The following PALLD variants were observed in gnomAD, a reference collection of about 807,000 sequenced individuals.
PALLD encodes the protein palladin.
PALLD carries 61 observed loss-of-function variants against 123.5 expected under a neutral mutation model. The observed-to-expected ratio is 0.49, with a 90% CI of 0.40 to 0.61. The LOEUF is 0.61. Among genes scored for constraint, PALLD ranks in the 20% least tolerant of loss-of-function variants. The pLI is 0.00. For missense variants in PALLD, 1,273 were observed against 1,377.0 expected (o/e 0.92, Z 1.20); for synonymous variants, 465 against 496.4 (o/e 0.94, Z 0.84).
intron 2 of PALLD, among the ~76,000 whole-genome samples, chr4:168,614,791 C>T (rs1037444014): frequency 1.3e-5 from 2 of 152,146 alleles, no homozygotes; most frequent in African/African-American, 2.4e-5. Context: ...ATAACAAAGA[C>T]TTCTCTTCTT....
intron 2 of PALLD, among the ~76,000 whole-genome samples, chr4:168,571,541 C>T (rs1768982217): frequency 1.3e-5 from 2 of 152,034 alleles, no homozygotes; most frequent in Admixed American, 1.3e-4. Flanking sequence ...AATTGCAATC[C>T]CTGACTTCAT....
chr4:168,692,023 A>C (rs1782680292), intron 8 of PALLD, among the ~76,000 whole-genome samples: 1 of 152,284 alleles, frequency 6.6e-6, no homozygotes. Context: ...TTTTCCCATC[A>C]GCAGGGTCAC....
At chr4:168,859,426 C>T (rs556638793) in intron 10 of PALLD, among the ~76,000 whole-genome samples, 5 of 152,260 alleles carry the variant, frequency 3.3e-5, no homozygotes, top group Admixed American at 6.5e-5. Flanking sequence ...TGGGTAGCAC[C>T]GACGGTGCCC....
intron 10 of PALLD, among the ~76,000 whole-genome samples, chr4:168,826,612 T>C (rs1344598144): frequency 6.6e-6 from 1 of 152,220 alleles, no homozygotes; most frequent in Non-Finnish European, 1.5e-5. Flanking sequence ...TCAGATTATT[T>C]TTTTTACTCT....
At chr4:168,825,805 C>T (rs1743338014) in intron 10 of PALLD, among the ~76,000 whole-genome samples, 1 of 152,186 alleles carries the variant, frequency 6.6e-6, no homozygotes, top group Non-Finnish European at 1.5e-5. Flanking sequence ...TGGAAATCTA[C>T]ATGAAATGCG....
intron 10 of PALLD, among the ~76,000 whole-genome samples, chr4:168,866,369 G>A (rs369936919): frequency 4.6e-5 from 7 of 151,746 alleles, no homozygotes; most frequent in South Asian, 4.1e-4. Context: ...TACCACAAAC[G>A]TGTTCAAAAA....
intron 4 of PALLD, among the ~76,000 whole-genome samples, chr4:168,682,717 A>G (rs1197375807): frequency 1.3e-5 from 2 of 152,180 alleles, no homozygotes; most frequent in African/African-American, 4.8e-5. Context: ...ACAGCGTCTC[A>G]GTTACATCTA....
chr4:168,552,688 G>GTTTTTT (rs901895784), intron 2 of PALLD, among the ~76,000 whole-genome samples: 3 of 151,972 alleles, frequency 2.0e-5, no homozygotes, highest in African/African-American at 7.2e-5. Flanking sequence ...GTTTTGTTTT[G>GTTTTTT]TTTTTGAGAC....
intron 2 of PALLD, among the ~76,000 whole-genome samples, chr4:168,538,336 A>T (rs1283659980): frequency 6.6e-6 from 1 of 152,190 alleles, no homozygotes; most frequent in Admixed American, 6.5e-5. Context: ...CCTTAAAATG[A>T]AAAGGTAAGT....
intron 2 of PALLD, chr4:168,598,755 C>T (rs971744643): frequency 7.4e-6 from 3 of 406,146 alleles, no homozygotes; most frequent in Non-Finnish European, 1.5e-5. Context: ...GTTTGGCTAA[C>T]TTTCTTGATT....
At chr4:168,762,188 T>A (rs1262695809) in intron 10 of PALLD, among the ~76,000 whole-genome samples, 1 of 152,188 alleles carries the variant, frequency 6.6e-6, no homozygotes, top group Admixed American at 6.5e-5. Context: ...AAAATGCCAT[T>A]CTCGGCTGGG....
intron 2 of PALLD, among the ~76,000 whole-genome samples, chr4:168,599,846 CAA>C (rs1444134922): frequency 1.3e-5 from 2 of 151,900 alleles, no homozygotes; most frequent in Admixed American, 1.3e-4. Context: ...GAAATTTATC[CAA>C]GTTGTATTTC....
At chr4:168,502,538 T>C (rs962605458) in intron 1 of PALLD, among the ~76,000 whole-genome samples, 1 of 152,196 alleles carries the variant, frequency 6.6e-6, no homozygotes, top group African/African-American at 2.4e-5. Flanking sequence ...ATCAAGTTTT[T>C]ACCAGAAAAC....
intron 2 of PALLD, among the ~76,000 whole-genome samples, chr4:168,557,581 C>T (rs549796444): frequency 6.6e-6 from 1 of 152,276 alleles, no homozygotes; most frequent in South Asian, 2.1e-4. Flanking sequence ...TAATCAATTC[C>T]TCTTGTCCCC....
chr4:168,648,593 C>A (rs1777722781), intron 2 of PALLD: 1 of 152,176 alleles, frequency 6.6e-6, no homozygotes, highest in African/African-American at 2.4e-5. Flanking sequence ...ATTAGAGAAT[C>A]TCTTGGCATG....
chr4:168,730,745 G>A (rs1787086531), intron 10 of PALLD, among the ~76,000 whole-genome samples: 1 of 152,084 alleles, frequency 6.6e-6, no homozygotes, highest in East Asian at 1.9e-4. Flanking sequence ...GGTTGTGGGG[G>A]CAGGTAACAT....
chr4:168,855,957 G>GT (rs1257112779), intron 10 of PALLD, among the ~76,000 whole-genome samples: 1 of 152,154 alleles, frequency 6.6e-6, no homozygotes, highest in Non-Finnish European at 1.5e-5. Context: ...CACCCAGGTG[G>GT]TGCACACAGT....
Position 168,897,668 on chromosome 4 carries a change from T to C in PALLD, c.2251-825T>C, listed in dbSNP as rs1280243940. Among the ~76,000 whole-genome samples, 3 of 152,224 alleles carry C rather than the reference T, an allele frequency of 2.0e-5. No individual in the cohort carries two copies. In the East Asian group the frequency reaches 5.8e-4, roughly 29 times the overall value. On this transcript the variant is annotated intron_variant, in intron 13 of 21. Transcript: ENST00000505667. ...GGTCTCACTTTGTTGCCCAAGCTGG[T>C]CTCAAACTCCTGGCCAGAAGCAATC...
At chr4:168,576,384 C>A (rs1429812900) in intron 2 of PALLD, among the ~76,000 whole-genome samples, 1 of 152,126 alleles carries the variant, frequency 6.6e-6, no homozygotes, top group Non-Finnish European at 1.5e-5. Flanking sequence ...ATCCGTCCCC[C>A]CTCCCCCAAC....
Sources: allele counts gnomAD v4.1 joint callset (sites outside exome capture counted in the v4.1 genomes callset), GRCh38; gene constraint gnomAD v4.1.1; transcripts MANE v1.5; gene names NCBI Gene and HGNC (gene_info 2026-07-23, HGNC 2026-07-21).